NTM: variants seen among roughly 807,000 people sequenced by gnomAD.
NTM encodes IgLON family member 2.
Under a neutral mutation model 42.1 loss-of-function variants are expected in NTM, and 13 were observed. The ratio of observed to expected loss-of-function variants is 0.31; its 90% CI spans 0.20 to 0.49. NTM has a LOEUF of 0.49. Ranked by LOEUF, NTM falls within the 20% of genes least tolerant of loss-of-function variation. The pLI, the probability that NTM is intolerant of heterozygous loss-of-function variation, is 0.99. For missense variants in NTM, 373 were observed against 452.8 expected, an observed-to-expected ratio of 0.82 and a Z score of 1.60; for synonymous variants, 187 against 179.2, an observed-to-expected ratio of 1.04 and a Z score of -0.35.
intron 2 of NTM, among the ~76,000 whole-genome samples, chr11:132,139,614 C>T (rs894891046): frequency 1.3e-5 from 2 of 152,176 alleles, no homozygotes; most frequent in African/African-American, 4.8e-5. Context: ...ATCCCTAGGA[C>T]ATTACAGAAG....
chr11:132,301,033 C>G (rs2094827656), intron 4 of NTM, among the ~76,000 whole-genome samples: 1 of 152,138 alleles, frequency 6.6e-6, no homozygotes, highest in Non-Finnish European at 1.5e-5. Flanking sequence ...CACCATACAC[C>G]TCTGTATTAG....
intron 1 of NTM, among the ~76,000 whole-genome samples, chr11:131,429,307 C>T (rs1205616842): frequency 6.6e-6 from 1 of 152,028 alleles, no homozygotes; most frequent in Non-Finnish European, 1.5e-5. Flanking sequence ...GGGGAGAACA[C>T]CTGGGTTCTC....
intron 1 of NTM, among the ~76,000 whole-genome samples, chr11:131,749,481 C>A (rs1180612905): frequency 6.6e-6 from 1 of 152,204 alleles, no homozygotes. Flanking sequence ...CATTATTTTT[C>A]TTTTAATAAT....
intron 4 of NTM, among the ~76,000 whole-genome samples, chr11:132,266,236 G>T (rs1053142022): frequency 7.9e-5 from 12 of 152,138 alleles, no homozygotes; most frequent in African/African-American, 2.9e-4. Flanking sequence ...ACAGCAAGGG[G>T]CATTAACTCT....
At position 131,818,631 on chromosome 11, in the gene NTM, A is replaced by G. The variant is rs373394027; in HGVS notation, c.83-92933A>G. ...CCACACTGATTCATCCAACAGAGGT[A>G]CCATTCATTCATTCATTCATTTAAT... On this transcript the variant is annotated intron_variant, in intron 1 of 8. Transcript: ENST00000683400. Among the ~76,000 whole-genome samples the G allele has an allele frequency of 9.9e-5, 15 of 152,190 alleles. No homozygotes were observed. In the East Asian group the frequency reaches 2.7e-3, roughly 27 times the overall value.
intron 2 of NTM, among the ~76,000 whole-genome samples, chr11:132,047,828 T>G (rs2078229880): frequency 6.6e-6 from 1 of 152,130 alleles, no homozygotes; most frequent in Non-Finnish European, 1.5e-5. Context: ...AGCCAGAATT[T>G]TCTGTCTTAC....
At chr11:131,609,122 C>G (rs895172422) in intron 1 of NTM, among the ~76,000 whole-genome samples, 1 of 152,178 alleles carries the variant, frequency 6.6e-6, no homozygotes, top group African/African-American at 2.4e-5. Context: ...CTCTGAACCT[C>G]GGGAGGCTGA....
intron 1 of NTM, among the ~76,000 whole-genome samples, chr11:131,570,430 C>G (rs1310149737): frequency 6.6e-6 from 1 of 152,136 alleles, no homozygotes; most frequent in Non-Finnish European, 1.5e-5. Context: ...ATAAATGAAC[C>G]TTGAAAGAGA....
chr11:131,725,818 C>T (rs182522927), intron 1 of NTM, among the ~76,000 whole-genome samples: 3 of 152,278 alleles, frequency 2.0e-5, no homozygotes, highest in African/African-American at 7.2e-5. Flanking sequence ...CTCTGGTTTG[C>T]GTGATGGCTC....
intron 1 of NTM, among the ~76,000 whole-genome samples, chr11:131,695,674 C>G (rs948209263): frequency 6.6e-6 from 1 of 152,136 alleles, no homozygotes; most frequent in African/African-American, 2.4e-5. Flanking sequence ...GGCATGCCCA[C>G]CTTGAGAACT....
chr11:132,024,037 C>G (rs181927203), intron 2 of NTM, among the ~76,000 whole-genome samples: 1,572 of 151,950 alleles, frequency 0.01, 34 homozygotes, highest in African/African-American at 0.036. Flanking sequence ...GCCAGGAGGT[C>G]TCGATCTCCT....
Position 131,373,034 on chromosome 11 carries a change from C to T in NTM, c.82+2146C>T, listed in dbSNP as rs12420713. ...GATGGCCTTATTTGTGCTACCCTCA[C>T]CCAGTCAGCCCTGAACAGGCTTCAG... On this transcript the variant is annotated intron_variant, in intron 1 of 8. Coordinates refer to ENST00000683400, the MANE Select transcript of NTM (RefSeq NM_001352005.2). 9.8e-3 allele frequency among the ~76,000 whole-genome samples: 1,486 copies of T among 152,256 alleles called. 15 individuals are homozygous for T. Among genetic ancestry groups the T allele is most frequent in the Middle Eastern group, 0.034 (10 of 294 alleles).
chr11:131,558,953 G>C (rs1257595624), intron 1 of NTM, among the ~76,000 whole-genome samples: 8 of 152,086 alleles, frequency 5.3e-5, no homozygotes, highest in African/African-American at 1.7e-4. Context: ...ACAAAGCTAA[G>C]CAAATTCAGC....
At chr11:131,986,557 C>T (rs186487983) in intron 2 of NTM, among the ~76,000 whole-genome samples, 1 of 152,196 alleles carries the variant, frequency 6.6e-6, no homozygotes, top group Admixed American at 6.5e-5. Flanking sequence ...ACACAACTCA[C>T]CAGAGTTAAA....
intron 2 of NTM, among the ~76,000 whole-genome samples, chr11:132,041,187 G>A (rs535633038): frequency 3.9e-4 from 56 of 143,070 alleles, no homozygotes; most frequent in Admixed American, 3.5e-3. Flanking sequence ...CTGCCTTTTT[G>A]TTTGTGTGTG....
At chr11:131,595,351 G>T (rs2059727125) in intron 1 of NTM, among the ~76,000 whole-genome samples, 1 of 152,178 alleles carries the variant, frequency 6.6e-6, no homozygotes, top group Non-Finnish European at 1.5e-5. Context: ...ATTCAAGAGG[G>T]CTGAGCAGTT....
intron 1 of NTM, among the ~76,000 whole-genome samples, chr11:131,812,479 T>C (rs1340820776): frequency 6.6e-6 from 1 of 152,136 alleles, no homozygotes; most frequent in Non-Finnish European, 1.5e-5. Flanking sequence ...AGAGCCTGCC[T>C]TGCCTTCTCT....
At chr11:131,989,737 A>ACACACACACACT in intron 2 of NTM, among the ~76,000 whole-genome samples, 1 of 151,628 alleles carries the variant, frequency 6.6e-6, no homozygotes, top group Non-Finnish European at 1.5e-5. Context: ...ACACACACAC[A>ACACACACACACT]CACACATGAA....
intron 4 of NTM, among the ~76,000 whole-genome samples, chr11:132,214,820 G>A (rs2083504897): frequency 6.6e-6 from 1 of 152,238 alleles, no homozygotes; most frequent in Non-Finnish European, 1.5e-5. Flanking sequence ...AGCAAGGAAA[G>A]AGGAGCAGGA....
Sources: allele counts gnomAD v4.1 joint callset (sites outside exome capture counted in the v4.1 genomes callset), GRCh38; gene constraint gnomAD v4.1.1; transcripts MANE v1.5; gene names NCBI Gene and HGNC (gene_info 2026-07-23, HGNC 2026-07-21).